DPH6: variants seen among roughly 807,000 people sequenced by gnomAD.
DPH6 encodes the protein diphthamine biosynthesis 6.
In DPH6, 33 loss-of-function variants were observed where a neutral mutation model predicts 38.2. That is an observed-to-expected ratio of 0.86 (90% CI 0.65 to 1.15). The LOEUF is 1.15. DPH6 is among the 50% of genes most tolerant of loss of function. The probability of loss-of-function intolerance (pLI) is 0.00; values close to 1 mark genes in which losing one functional copy is unlikely to be tolerated. For missense variants in DPH6, 325 were observed against 320.0 expected (o/e 1.02, Z -0.12); for synonymous variants, 108 against 103.0 (o/e 1.05, Z -0.30).
At position 35,296,804 on chromosome 15, in the gene DPH6, C is replaced by CTTTTTT. The variant is rs772132282; in HGVS notation, n.201-76228_201-76223dup. On this transcript the variant is annotated intron_variant and non_coding_transcript_variant, in intron 3 of 3. Transcript: ENST00000560386. ...ATTCTCTAACCTGATGGCCTGGCTT[C>CTTTTTT]TTTTTTTTTTTGAGACGGAGTCTCG... 2.8e-4 allele frequency among the ~76,000 whole-genome samples: 36 copies of CTTTTTT among 127,356 alleles called. 7 individuals carry two copies. Among genetic ancestry groups the CTTTTTT allele is most frequent in the Non-Finnish European group, 4.0e-4 (26 of 64,260 alleles). 83.6% of individuals were successfully genotyped at this position (127,356 alleles called of 152,430 possible).
At chr15:35,509,862 A>G in intron 3 of DPH6, among the ~76,000 whole-genome samples, 1 of 152,172 alleles carries the variant, frequency 6.6e-6, no homozygotes, top group East Asian at 1.9e-4. Context: ...CACATTAGGT[A>G]ATTTAATCAT....
intron 3 of DPH6, chr15:35,298,635 G>A (rs1458087262): frequency 9.5e-7 from 1 of 1,053,204 alleles, no homozygotes; most frequent in Non-Finnish European, 1.5e-6. Context: ...TTGCCACCAA[G>A]CTTGCTGGTC....
At chr15:35,209,062 C>A in the DPH6 span, among the ~76,000 whole-genome samples, 5 of 152,106 alleles carry the variant, frequency 3.3e-5, no homozygotes, top group African/African-American at 1.2e-4. Context: ...CTACTGTGCA[C>A]GTGGTCTTTT....
chr15:35,296,266 GA>G (rs1254933632), intron 3 of DPH6, among the ~76,000 whole-genome samples: 1 of 152,034 alleles, frequency 6.6e-6, no homozygotes, highest in Non-Finnish European at 1.5e-5. Flanking sequence ...AAAAGTTTTT[GA>G]AACACTGGTT....
At chr15:35,218,016 A>G (rs2051420159) in exon 4 of DPH6, 1 of 152,214 alleles carries the variant, frequency 6.6e-6, no homozygotes, top group Admixed American at 6.5e-5. Flanking sequence ...AGTAATCACA[A>G]GAATAAAGTC....
chr15:35,230,666 A>G (rs2051510936), intron 3 of DPH6, among the ~76,000 whole-genome samples: 1 of 152,170 alleles, frequency 6.6e-6, no homozygotes, highest in Non-Finnish European at 1.5e-5. Context: ...CCCTCAACAT[A>G]GTACCTGGGT....
chr15:35,162,849 A>C, the DPH6 span, among the ~76,000 whole-genome samples: 1 of 151,874 alleles, frequency 6.6e-6, no homozygotes, highest in Admixed American at 6.6e-5. Context: ...GCTACTTATA[A>C]ATTTTAAGGT....
In DPH6 at chr15:35,371,670, G is replaced by A. The variant is rs899787685; in HGVS notation, c.*480C>T. ...AATAACGTTGAAACACTTCAACCATGAATATATTTAAAATAAAAATGATAA... is the reference window on the plus strand; with the variant it reads ...AATAACGTTGAAACACTTCAACCATAAATATATTTAAAATAAAAATGATAA... On this transcript the variant is annotated 3_prime_UTR_variant, in exon 9 of 9. Coordinates refer to ENST00000256538, the MANE Select transcript of DPH6 (RefSeq NM_080650.4). 2.0e-6 allele frequency: 2 copies of A among 985,368 alleles called. No homozygotes were observed. The highest frequency in any genetic ancestry group is 3.5e-5 in the African/African-American group (2 of 57,192). 61.0% of individuals were successfully genotyped at this position (985,368 alleles called of 1,614,324 possible).
chr15:35,534,341 C>A (rs2055135055), intron 3 of DPH6, among the ~76,000 whole-genome samples: 1 of 146,430 alleles, frequency 6.8e-6, no homozygotes, highest in African/African-American at 2.5e-5. Context: ...TGTGCCATTG[C>A]TCTCCAGCCT....
At chr15:35,157,468 A>G in the DPH6 span, among the ~76,000 whole-genome samples, 4 of 152,132 alleles carry the variant, frequency 2.6e-5, no homozygotes, top group African/African-American at 9.7e-5. Context: ...GGAGTCCATG[A>G]GCACCTCTAT....
rs1555401685 is a variant in DPH6 at position 35,436,478 on chromosome 15, C to CAAAAA, written c.505+14202_505+14206dup. ...GAGACTCCGTCTCAAACAAAACAAA[C>CAAAAA]AAAAACAAAACAAAACAAAACAAAA... On this transcript the variant is annotated intron_variant, in intron 5 of 8. Coordinates refer to ENST00000256538, the MANE Select transcript of DPH6 (RefSeq NM_080650.4). Among the ~76,000 whole-genome samples the CAAAAA allele has an allele frequency of 6.5e-5, 4 of 61,186 alleles. 1 individual carries two copies. The highest frequency in any genetic ancestry group is 2.2e-4 in the African/African-American group (4 of 18,008). The allele number at this position is 61,186 out of a possible 152,430, so 40.1% of individuals were successfully genotyped here. A position where few individuals can be genotyped will look rare whatever the true frequency, so the allele number is the denominator to read the frequency against.
intron 3 of DPH6, among the ~76,000 whole-genome samples, chr15:35,288,998 T>TG (rs1410021903): frequency 1.3e-5 from 2 of 152,168 alleles, no homozygotes; most frequent in Non-Finnish European, 2.9e-5. Context: ...AAAAGGCTTT[T>TG]GGGGGTAAAA....
intron 3 of DPH6, chr15:35,522,250 T>C: frequency 6.2e-7 from 1 of 1,613,230 alleles, no homozygotes; most frequent in Non-Finnish European, 8.5e-7. Context: ...AGCATCATAT[T>C]CAGCAAGCAA....
At position 35,359,370 on chromosome 15, in the gene DPH6, C is replaced by T. The variant is rs113356012; in HGVS notation, n.207+14151G>A. On this transcript the variant is annotated intron_variant and non_coding_transcript_variant, in intron 3 of 3. Coordinates refer to the DPH6 transcript ENST00000558973. ...GCCTGTGGAGTCTGCACACCAGATTCGCGCCCTTCCCCAAGTTCTGGACAG... is the reference window on the plus strand; with the variant it reads ...GCCTGTGGAGTCTGCACACCAGATTTGCGCCCTTCCCCAAGTTCTGGACAG... 3.4e-3 allele frequency among the ~76,000 whole-genome samples: 522 copies of T among 152,288 alleles called. 3 individuals carry two copies. The highest frequency in any genetic ancestry group is 0.012 in the African/African-American group (482 of 41,544).
intron 3 of DPH6, chr15:35,490,282 G>A (rs1183170625): frequency 1.5e-6 from 1 of 677,726 alleles, no homozygotes; most frequent in African/African-American, 2.0e-5. Context: ...AGAGAGGTTT[G>A]TAGTAGACCA....
At chr15:35,325,222 C>A (rs2052272624) in intron 3 of DPH6, among the ~76,000 whole-genome samples, 1 of 151,896 alleles carries the variant, frequency 6.6e-6, no homozygotes, top group Admixed American at 6.6e-5. Flanking sequence ...TTCAAATTGA[C>A]AAACTGAATC....
intron 5 of DPH6, among the ~76,000 whole-genome samples, chr15:35,423,505 C>T (rs1293314353): frequency 6.6e-6 from 1 of 151,622 alleles, no homozygotes; most frequent in Admixed American, 6.6e-5. Context: ...TGCCTTTTCA[C>T]TCTGCTCTTT....
chr15:35,237,892 G>A (rs1293069176), intron 3 of DPH6: 1 of 1,341,546 alleles, frequency 7.5e-7, no homozygotes, highest in Non-Finnish European at 1.1e-6. Context: ...TGGAGGACGA[G>A]GAGGAGGAGG....
chr15:35,544,368 G>T (rs2055311059), intron 1 of DPH6, among the ~76,000 whole-genome samples: 1 of 152,014 alleles, frequency 6.6e-6, no homozygotes, highest in South Asian at 2.1e-4. Flanking sequence ...TGGGGGTTAG[G>T]GGAGGGATAA....
Sources: allele counts gnomAD v4.1 joint callset (sites outside exome capture counted in the v4.1 genomes callset), GRCh38; gene constraint gnomAD v4.1.1; transcripts MANE v1.5; gene names NCBI Gene and HGNC (gene_info 2026-07-23, HGNC 2026-07-21).